CADM2: variants seen among roughly 807,000 people sequenced by gnomAD.
The protein encoded by CADM2 is immunoglobulin superfamily member 4D.
In CADM2, 12 loss-of-function variants were observed where a neutral mutation model predicts 49.8. The observed-to-expected ratio is 0.24, with a 90% CI of 0.15 to 0.39. The LOEUF (loss-of-function observed/expected upper bound fraction) is 0.39. Among genes scored for constraint, CADM2 ranks in the 10% least tolerant of loss-of-function variants. The probability of loss-of-function intolerance (pLI) is 1.00; values close to 1 mark genes in which losing one functional copy is unlikely to be tolerated. For synonymous variants in CADM2, 214 were observed against 175.4 expected (o/e 1.22, Z -1.74); for missense variants, 378 against 492.3 (o/e 0.77, Z 2.20).
intron 1 of CADM2, among the ~76,000 whole-genome samples, chr3:85,339,265 C>T (rs1391999557): frequency 6.6e-6 from 1 of 151,302 alleles, no homozygotes; most frequent in Admixed American, 6.6e-5. Flanking sequence ...TAAATTATCT[C>T]AGTGTGTTTA....
At chr3:85,000,114 T>C (rs1183355783) in intron 1 of CADM2, among the ~76,000 whole-genome samples, 1 of 136,834 alleles carries the variant, frequency 7.3e-6, no homozygotes, top group South Asian at 2.4e-4. Flanking sequence ...TGCTTCTACT[T>C]TCTCTCTCTC....
intron 8 of CADM2, among the ~76,000 whole-genome samples, chr3:85,986,436 A>G (rs78695114): frequency 4.3e-4 from 46 of 106,108 alleles, no homozygotes; most frequent in Non-Finnish European, 8.0e-4. Flanking sequence ...AGATTCTATT[A>G]TGAGTGTTTA....
chr3:85,314,562 CAT>C (rs1057020516), intron 1 of CADM2, among the ~76,000 whole-genome samples: 25 of 152,090 alleles, frequency 1.6e-4, no homozygotes, highest in South Asian at 4.2e-4. Flanking sequence ...AACAAAGAAA[CAT>C]GTGTAAATAA....
intron 1 of CADM2, among the ~76,000 whole-genome samples, chr3:85,644,392 TG>T (rs2064823753): frequency 2.0e-5 from 3 of 152,182 alleles, no homozygotes; most frequent in Non-Finnish European, 2.9e-5. Flanking sequence ...ACAGCCACAC[TG>T]GGGTTTAGGG....
intron 1 of CADM2, among the ~76,000 whole-genome samples, chr3:85,417,782 A>G (rs1010343025): frequency 2.0e-5 from 3 of 152,158 alleles, no homozygotes; most frequent in Non-Finnish European, 4.4e-5. Context: ...CTAATATTCT[A>G]TAAGTACAAG....
chr3:85,793,315 G>C (rs2071443295), intron 2 of CADM2, among the ~76,000 whole-genome samples: 1 of 152,178 alleles, frequency 6.6e-6, no homozygotes, highest in Admixed American at 6.5e-5. Flanking sequence ...GTGTTAGTTA[G>C]AGAGAACTAA....
chr3:85,937,722 T>C (rs1230033674), intron 7 of CADM2, among the ~76,000 whole-genome samples: 5 of 151,984 alleles, frequency 3.3e-5, no homozygotes, highest in Non-Finnish European at 5.9e-5. Context: ...CATCCTCCTT[T>C]ATTAGGCTTT....
chr3:85,250,295 A>G (rs1301547848), intron 1 of CADM2, among the ~76,000 whole-genome samples: 1 of 151,718 alleles, frequency 6.6e-6, no homozygotes, highest in African/African-American at 2.4e-5. Context: ...TAATATATAT[A>G]GGTATCAAAT....
intron 1 of CADM2, among the ~76,000 whole-genome samples, chr3:85,303,159 C>T (rs2044140285): frequency 6.6e-6 from 1 of 151,908 alleles, no homozygotes; most frequent in Admixed American, 6.6e-5. Context: ...CTGCCGAAAG[C>T]CTTCCTTAGC....
intron 2 of CADM2, among the ~76,000 whole-genome samples, chr3:85,751,066 G>T (rs1316165225): frequency 6.6e-6 from 1 of 152,074 alleles, no homozygotes; most frequent in Non-Finnish European, 1.5e-5. Flanking sequence ...AACTGGAAAA[G>T]AAAGAATGTA....
At chr3:85,830,003 C>T (rs2074113693) in intron 3 of CADM2, among the ~76,000 whole-genome samples, 1 of 151,976 alleles carries the variant, frequency 6.6e-6, no homozygotes, top group Non-Finnish European at 1.5e-5. Flanking sequence ...CTTCCACATA[C>T]TACTTCAGTG....
chr3:85,322,649 T>C (rs1419903322), intron 1 of CADM2, among the ~76,000 whole-genome samples: 1 of 152,224 alleles, frequency 6.6e-6, no homozygotes, highest in Non-Finnish European at 1.5e-5. Flanking sequence ...ATTTCTGTGC[T>C]ACATATGATA....
intron 8 of CADM2, chr3:86,015,141 C>A: frequency 2.0e-6 from 1 of 502,932 alleles, no homozygotes. Flanking sequence ...TAAAAATAGG[C>A]CTTCTTATAT....
At chr3:85,987,522 GA>G (rs1463753384) in intron 8 of CADM2, among the ~76,000 whole-genome samples, 3 of 148,578 alleles carry the variant, frequency 2.0e-5, no homozygotes, top group Non-Finnish European at 4.5e-5. Context: ...CCCTAAGAAA[GA>G]AAAAAAGTTC....
chr3:86,012,423 T>TCGCC lies in CADM2; in HGVS notation c.970+50786_970+50789dup, dbSNP rs1731624311. 9 of 410,232 alleles carry TCGCC rather than the reference T, an allele frequency of 2.2e-5. No individual in the cohort carries two copies. The East Asian group carries it at 4.0e-4, about 18-fold the overall frequency. The allele number at this position is 410,232 out of a possible 1,614,324, so 25.4% of individuals were successfully genotyped here. A position where few individuals can be genotyped will look rare whatever the true frequency, so the allele number is the denominator to read the frequency against. On this transcript the variant is annotated intron_variant, in intron 8 of 9. Coordinates refer to ENST00000383699, the MANE Select transcript of CADM2 (RefSeq NM_001167675.2). ...ATAAATTACAATAAAGTTGGGCTTCTCGCCCGCCCGCCCCTCGCCCGCGCG... is the reference window on the plus strand; with the variant it reads ...ATAAATTACAATAAAGTTGGGCTTCTCGCCCGCCCGCCCGCCCCTCGCCCGCGCG...
At chr3:85,511,121 C>A (rs1201171575) in intron 1 of CADM2, among the ~76,000 whole-genome samples, 1 of 151,924 alleles carries the variant, frequency 6.6e-6, no homozygotes, top group African/African-American at 2.4e-5. Context: ...TGTAAACTAC[C>A]CCGGTTTAAA....
At chr3:85,158,955 A>G (rs901171877) in intron 1 of CADM2, among the ~76,000 whole-genome samples, 12 of 152,106 alleles carry the variant, frequency 7.9e-5, no homozygotes, top group African/African-American at 2.9e-4. Flanking sequence ...ATATATGTTG[A>G]CGTCTGCGTG....
At chr3:85,988,634 C>A (rs997499197) in intron 8 of CADM2, among the ~76,000 whole-genome samples, 1 of 152,072 alleles carries the variant, frequency 6.6e-6, no homozygotes. Flanking sequence ...AAGAAAGGGT[C>A]AATAAAGTTA....
intron 1 of CADM2, among the ~76,000 whole-genome samples, chr3:85,655,234 A>T (rs1162755160): frequency 2.0e-5 from 3 of 151,446 alleles, no homozygotes; most frequent in Non-Finnish European, 4.4e-5. Context: ...AGCTTACTGG[A>T]ATCTCTACCT....
Sources: gnomAD v4.1 joint callset for allele counts (sites outside exome capture counted in the v4.1 genomes callset) on GRCh38, gnomAD v4.1.1 for gene constraint, MANE v1.5 for transcripts, NCBI Gene and HGNC (gene_info 2026-07-23, HGNC 2026-07-21) for gene names.